Variants in CHD1 observed in about 807,000 individuals in gnomAD.
The protein encoded by CHD1 is ATP-dependent chromatin remodeler CHD1.
Under a neutral mutation model 224.2 loss-of-function variants are expected in CHD1, and 36 were observed. The observed-to-expected ratio is 0.16, with a 90% CI of 0.12 to 0.21. CHD1 has a LOEUF of 0.21. Among genes scored for constraint, CHD1 ranks in the 10% least tolerant of loss-of-function variants. The pLI is 1.00. For synonymous variants in CHD1, 668 were observed against 658.3 expected (o/e 1.01, Z -0.23); for missense variants, 1,378 against 1,994.8 (o/e 0.69, Z 5.89).
chr5:98,862,116 A>C (rs889199202), intron 32 of CHD1, among the ~76,000 whole-genome samples: 24 of 152,154 alleles, frequency 1.6e-4, no homozygotes, highest in African/African-American at 5.8e-4. Context: ...GAGATTCGCC[A>C]CTGCACTCCA....
rs1166119144 is a variant in CHD1 at position 98,881,390 on chromosome 5, AC to A, written c.2868-16del. 2 of 1,298,542 alleles carry A rather than the reference AC, an allele frequency of 1.5e-6. No individual in the cohort carries two copies. The highest frequency in any genetic ancestry group is 2.7e-5 in the Admixed American group (1 of 37,634). 80.4% of individuals were successfully genotyped at this position (1,298,542 alleles called of 1,614,324 possible). A position where few individuals can be genotyped will look rare whatever the true frequency, so the allele number is the denominator to read the frequency against. On this transcript the variant is annotated splice_polypyrimidine_tract_variant and intron_variant, in intron 20 of 35. Transcript: ENST00000614616. ...AAGGAGTAGAACTAAAACAGGAAAA[AC>A]AAAAATGCTTAACATTAACAGTTAA...
At chr5:98,911,679 A>G (rs1752433436) in intron 2 of CHD1, among the ~76,000 whole-genome samples, 1 of 152,208 alleles carries the variant, frequency 6.6e-6, no homozygotes, top group Non-Finnish European at 1.5e-5. Flanking sequence ...ATCATTACCA[A>G]CACGGTTCTC....
chr5:98,924,163 T>C (rs969145835), intron 2 of CHD1, among the ~76,000 whole-genome samples: 1 of 152,108 alleles, frequency 6.6e-6, no homozygotes, highest in African/African-American at 2.4e-5. Flanking sequence ...GAGAATCGTT[T>C]GAGCCCAGGA....
chr5:98,912,375 A>C (rs1183267940), intron 2 of CHD1, among the ~76,000 whole-genome samples: 1 of 152,226 alleles, frequency 6.6e-6, no homozygotes, highest in Non-Finnish European at 1.5e-5. Context: ...AACATTAAAG[A>C]AGGCAAATGT....
chr5:98,926,013 A>G (rs1002480086), intron 2 of CHD1, among the ~76,000 whole-genome samples: 1 of 152,074 alleles, frequency 6.6e-6, no homozygotes, highest in African/African-American at 2.4e-5. Context: ...AATTTCACTA[A>G]CAGTCAAAAC....
At chr5:98,919,533 A>C (rs796883434) in intron 2 of CHD1, among the ~76,000 whole-genome samples, 19 of 152,308 alleles carry the variant, frequency 1.2e-4, no homozygotes, top group African/African-American at 4.6e-4. Flanking sequence ...TCTCTTGATA[A>C]AGTATATCCT....
chr5:98,923,683 GATTA>G (rs1753257293), intron 2 of CHD1, among the ~76,000 whole-genome samples: 1 of 152,076 alleles, frequency 6.6e-6, no homozygotes, highest in Non-Finnish European at 1.5e-5. Context: ...AAAGTGCTGG[GATTA>G]CAGGCGTAAG....
chr5:98,863,786 T>C (rs1458730641), intron 31 of CHD1, among the ~76,000 whole-genome samples, 200 bp from the exon 32 acceptor site: 1 of 152,174 alleles, frequency 6.6e-6, no homozygotes, highest in African/African-American at 2.4e-5. Flanking sequence ...AGCAAGCCTT[T>C]CTGTTATCAT....
chr5:98,881,900 T>C (rs1750218395), intron 20 of CHD1, 75 bp downstream of exon 20: 1 of 1,266,300 alleles, frequency 7.9e-7, no homozygotes, highest in Non-Finnish European at 1.1e-6. Context: ...CTCAATGATC[T>C]ACAGTGATGT....
In CHD1 at chr5:98,894,788, C is replaced by G. The variant is rs989536976; in HGVS notation, c.1711-102G>C. 1.3e-5 allele frequency: 7 copies of G among 540,276 alleles called. No individual in the cohort carries two copies. The Admixed American group carries it at 2.4e-4, about 18-fold the overall frequency. The allele number at this position is 540,276 out of a possible 1,614,324, so 33.5% of individuals were successfully genotyped here. On this transcript the variant is annotated intron_variant, in intron 12 of 35. Coordinates refer to ENST00000614616, the MANE Select transcript of CHD1 (RefSeq NM_001270.4). ...AAAATCCATTCAAATATGTAAGTAACTATTAATATATGTTTATGTAATAAA... is the reference window on the plus strand; with the variant it reads ...AAAATCCATTCAAATATGTAAGTAAGTATTAATATATGTTTATGTAATAAA...
At chr5:98,909,116 T>C (rs1752228456) in intron 2 of CHD1, among the ~76,000 whole-genome samples, 1 of 152,164 alleles carries the variant, frequency 6.6e-6, no homozygotes, top group Admixed American at 6.5e-5. Context: ...TCTTAAAAGA[T>C]CACTTCGTTA....
chr5:98,883,826 A>AATATAT, intron 18 of CHD1: 29 of 59,112 alleles, frequency 4.9e-4, no homozygotes, highest in South Asian at 2.5e-3. Flanking sequence ...TTGGAGACTA[A>AATATAT]ATATATATAT....
intron 18 of CHD1, among the ~76,000 whole-genome samples, chr5:98,883,498 A>C (rs2112410048): frequency 6.6e-6 from 1 of 152,232 alleles, no homozygotes; most frequent in South Asian, 2.1e-4. Context: ...TATTTCCTTA[A>C]AAAATAAAAG....
chr5:98,925,828 T>C (rs1753419298), intron 2 of CHD1, among the ~76,000 whole-genome samples: 1 of 151,440 alleles, frequency 6.6e-6, no homozygotes, highest in Admixed American at 6.6e-5. Context: ...ACTAGCCACA[T>C]GTGATTATTC....
At chr5:98,912,270 T>C (rs903108376) in intron 2 of CHD1, among the ~76,000 whole-genome samples, 2 of 152,142 alleles carry the variant, frequency 1.3e-5, no homozygotes, top group African/African-American at 2.4e-5. Context: ...TACAATTATC[T>C]AATGTATAAT....
intron 2 of CHD1, among the ~76,000 whole-genome samples, chr5:98,907,127 T>C (rs1362105463): frequency 6.6e-6 from 1 of 152,188 alleles, no homozygotes; most frequent in African/African-American, 2.4e-5. Context: ...ACAGAAATCT[T>C]TCCTTTCATA....
chr5:98,894,313 C>T lies in CHD1; in HGVS notation c.1800+284G>A, dbSNP rs542208769. ...CACACTATAACAAACTGGTTTCATT[C>T]GATTGAGTTGGCAAGCTTTTTCTAA... On this transcript the variant is annotated intron_variant, in intron 13 of 35. Coordinates refer to ENST00000614616, the MANE Select transcript of CHD1 (RefSeq NM_001270.4). 4.6e-5 allele frequency among the ~76,000 whole-genome samples: 7 copies of T among 152,236 alleles called. No homozygotes were observed. The East Asian group carries it at 1.4e-3, about 29-fold the overall frequency.
At chr5:98,866,133 C>CA (rs1748846449) in intron 31 of CHD1, among the ~76,000 whole-genome samples, 2 of 151,988 alleles carry the variant, frequency 1.3e-5, no homozygotes, top group African/African-American at 2.4e-5. Flanking sequence ...AAACAAAAAA[C>CA]AAAAACAAAA....
At chr5:98,869,322 A>G in intron 30 of CHD1, 1 of 957,254 alleles carries the variant, frequency 1.0e-6, no homozygotes, top group South Asian at 4.8e-5. Flanking sequence ...CCAAATTTTA[A>G]CAACGACTAA....
Sources: gnomAD v4.1 joint callset for allele counts (sites outside exome capture counted in the v4.1 genomes callset) on GRCh38, gnomAD v4.1.1 for gene constraint, MANE v1.5 for transcripts, NCBI Gene and HGNC (gene_info 2026-07-23, HGNC 2026-07-21) for gene names.